Variants in MPP2 observed in about 807,000 individuals in gnomAD.
The protein encoded by MPP2 is MAGUK p55 subfamily member 2.
In MPP2, 42 loss-of-function variants were observed where a neutral mutation model predicts 58.5. The ratio of observed to expected loss-of-function variants is 0.72; its 90% confidence interval spans 0.56 to 0.93. MPP2 has a LOEUF of 0.93. MPP2 is among the 40% of genes least tolerant of loss of function. MPP2 has a pLI of 0.00. For synonymous variants in MPP2, 300 were observed against 307.8 expected (o/e 0.97, Z 0.26); for missense variants, 632 against 760.4 (o/e 0.83, Z 1.99).
rs1484327925 is a variant in MPP2, at chr17:43,877,539, G to A, written c.*268C>T. ...ATGGAGGTGACTCTGACACATTCCT[G>A]GGCATAGCTTGGCCCTCAGAGATAT... On this transcript the variant is annotated 3_prime_UTR_variant, in exon 13 of 13. Transcript: ENST00000269095. The A allele has an allele frequency of 2.1e-6, 1 of 477,626 alleles. No individual in the cohort carries two copies. Among genetic ancestry groups the A allele is most frequent in the Non-Finnish European group, 3.8e-6 (1 of 260,856 alleles). 29.6% of individuals were successfully genotyped at this position (477,626 alleles called of 1,614,324 possible).
intron 1 of MPP2, 92 bp downstream of exon 1, chr17:43,907,382 C>T (rs1224847266): frequency 2.0e-6 from 2 of 985,430 alleles, no homozygotes; most frequent in African/African-American, 1.7e-5. Context: ...GGAGTTTAAA[C>T]CCAGTGAATA....
At position 43,880,045 on chromosome 17, in the gene MPP2, CAT is replaced by C. The variant is rs2047038971; in HGVS notation, c.1151-63_1151-62del. 1 of 1,513,838 alleles carries C rather than the reference CAT, an allele frequency of 6.6e-7. No homozygotes were observed. The highest frequency in any genetic ancestry group is 1.4e-5 in the African/African-American group (1 of 73,034). 93.8% of individuals were successfully genotyped at this position (1,513,838 alleles called of 1,614,324 possible). A position where few individuals can be genotyped will look rare whatever the true frequency, so the allele number is the denominator to read the frequency against. Reference sequence around the variant, plus strand: ...GGGGCAGGTTACAGTGCCTCAGACACATATATGCACCCCTACCCAGGCCCCCG... The same window carrying C: ...GGGGCAGGTTACAGTGCCTCAGACACATATGCACCCCTACCCAGGCCCCCG... On this transcript the variant is annotated intron_variant, in intron 10 of 12. Transcript: ENST00000269095. The surrounding 1 kb of genome is among the most constrained non-coding windows in gnomAD (Gnocchi z 5.2).
rs753192544 is a variant in MPP2 at position 43,882,915 on chromosome 17, G to C, written c.441C>G (p.Ala147=). 9 of 1,613,888 alleles carry C rather than the reference G, an allele frequency of 5.6e-6. No homozygotes were observed. The highest frequency in any genetic ancestry group is 8.5e-7 in the Non-Finnish European group (1 of 1,180,030). The change falls in exon 5 of 13, where the codon GCC becomes GCG. Residue 147 remains alanine, a synonymous_variant. Coordinates refer to ENST00000269095, the MANE Select transcript of MPP2 (RefSeq NM_005374.5). ...GCCCAGTCCTCACCAGATGTTCTCC[G>C]GCTGTCTTGCGGATGCCCACCATGC... ...AVRMVGIRKT[A]GEHLGVTFRV...
intron 3 of MPP2, among the ~76,000 whole-genome samples, chr17:43,893,757 C>A (rs1049343790): frequency 6.6e-6 from 1 of 152,164 alleles, no homozygotes; most frequent in Admixed American, 6.5e-5. Flanking sequence ...ACCAAAACCA[C>A]CCCCCTCACC....
intron 6 of MPP2, among the ~76,000 whole-genome samples, chr17:43,882,054 AC>A (rs2047152156): frequency 1.3e-5 from 2 of 152,218 alleles, no homozygotes; most frequent in African/African-American, 4.8e-5. Flanking sequence ...ATACACTTGT[AC>A]CCCAGGCTGT....
Position 43,875,625 on chromosome 17 carries a change from A to C in MPP2, c.*2182T>G, listed in dbSNP as rs1343849885. ...CAGCCCTGTTCCAGGTGAGCCAAGG[A>C]CTGACAGCCTCTGCTAGGTACCTGG... On this transcript the variant is annotated 3_prime_UTR_variant, in exon 13 of 13. Coordinates refer to ENST00000269095, the MANE Select transcript of MPP2 (RefSeq NM_005374.5). 6.6e-6 allele frequency: 1 copy of C among 151,260 alleles called. No individual in the cohort carries two copies. Among genetic ancestry groups the C allele is most frequent in the Non-Finnish European group, 1.5e-5 (1 of 68,090 alleles). The allele number at this position is 151,260 out of a possible 1,614,324, so 9.4% of individuals were successfully genotyped here.
In MPP2 at chr17:43,879,981, G is replaced by C; in HGVS notation, c.1154C>G (p.Thr385Ser). Residue 385 changes from threonine (T) to serine (S), a missense_variant, in exon 11 of 13, where the codon ACC (threonine) becomes AGC (serine). Thr to Ser is a moderately conservative substitution (Grantham distance 58). Transcript: ENST00000269095. The surrounding 1 kb of genome is among the most constrained non-coding windows in gnomAD (Gnocchi z 4.1). Reference protein sequence around the residue: ...PDRYGTTVPYTSRRPKDSERE... With the variant: ...PDRYGTTVPYSSRRPKDSERE... ...CTCTGAGTCTTTCGGCCGCCGGGAG[G>C]TGTCTAGGGGGATGGGGGTAGGTTG... is the stretch of plus-strand genomic sequence containing the variant. 6.2e-7 allele frequency: 1 copy of C among 1,614,006 alleles called. No individual in the cohort carries two copies. The highest frequency in any genetic ancestry group is 8.5e-7 in the Non-Finnish European group (1 of 1,179,966).
In MPP2 at chr17:43,880,766, G is replaced by A. The variant is rs914308173; in HGVS notation, c.1075C>T (p.Gln359Ter). Residue 359 changes from glutamine (Q) to a stop codon, truncating the protein, a stop_gained, in exon 10 of 13, where the codon CAG becomes TAG. Transcript: ENST00000269095. LOFTEE classifies it high-confidence loss of function. This position sits in a 1 kb window ranked among gnomAD's most constrained non-coding sequence, Gnocchi z 5.2. ...TTCAGGCTGCGCCGTCCCACGCCCTGAGCCCCAATCAGTACCAGGGTTTTC... is the reference window on the plus strand; with the variant it reads ...TTCAGGCTGCGCCGTCCCACGCCCTAAGCCCCAATCAGTACCAGGGTTTTC... ...RRKTLVLIGA[Q>*]GVGRRSLKNK... The A allele has an allele frequency of 1.2e-6, 2 of 1,613,944 alleles. No homozygotes were observed. Among genetic ancestry groups the A allele is most frequent in the Non-Finnish European group, 1.7e-6 (2 of 1,179,962 alleles).
At chr17:43,905,465 G>T (rs1338626378) in intron 1 of MPP2, 1 of 152,338 alleles carries the variant, frequency 6.6e-6, no homozygotes, top group African/African-American at 2.4e-5. Context: ...AACCAAGCAT[G>T]GAGTCTACAG....
Position 43,879,155 on chromosome 17 carries a change from A to G in MPP2, c.1482+120T>C, listed in dbSNP as rs1025658242. On this transcript the variant is annotated intron_variant, in intron 12 of 12. Transcript: ENST00000269095. The surrounding 1 kb of genome is among the most constrained non-coding windows in gnomAD (Gnocchi z 4.1). ...GGGGGGACCACGTCCTGCCTCACTGATAACTGGAGCAGGCCCCTGTCCCTC... is the reference window on the plus strand; with the variant it reads ...GGGGGGACCACGTCCTGCCTCACTGGTAACTGGAGCAGGCCCCTGTCCCTC... 2.4e-5 allele frequency: 31 copies of G among 1,273,948 alleles called. 1 individual carries two copies. Among genetic ancestry groups the G allele is most frequent in the Middle Eastern group, 5.5e-4 (2 of 3,666 alleles). 78.9% of individuals were successfully genotyped at this position (1,273,948 alleles called of 1,614,324 possible). A position where few individuals can be genotyped will look rare whatever the true frequency, so the allele number is the denominator to read the frequency against.
chr17:43,882,995 T>A lies in MPP2; in HGVS notation c.361A>T (p.Ser121Cys). ...CTGAATGTAGGGTCCAGGCCAGGGC[T>A]GGGGGGTGGTGTCTCATAGGTCTTT... is the stretch of plus-strand genomic sequence containing the variant. ...ASKTYETPPPSPGLDPTFSNQ... is the reference protein window; with the variant it reads ...ASKTYETPPPCPGLDPTFSNQ... The change falls in exon 5 of 13, where the codon AGC becomes TGC. Residue 121 changes from serine (S) to cysteine (C), a missense_variant. Ser to Cys is a moderately radical substitution (Grantham distance 112). Transcript: ENST00000269095. 6.2e-7 allele frequency: 1 copy of A among 1,609,962 alleles called. No homozygotes were observed. Among genetic ancestry groups the A allele is most frequent in the Non-Finnish European group, 8.5e-7 (1 of 1,176,772 alleles).
In MPP2 at chr17:43,879,221, C is replaced by A; in HGVS notation, c.1482+54G>T. On this transcript the variant is annotated intron_variant, in intron 12 of 12. Transcript: ENST00000269095. The surrounding 1 kb of genome is among the most constrained non-coding windows in gnomAD (Gnocchi z 4.1). Reference sequence around the variant, plus strand: ...TTCTCTCTGTCAGCTCAGGCCTGTCCCCCACCACCCTAGGCAGCTATCAGA... The same window carrying A: ...TTCTCTCTGTCAGCTCAGGCCTGTCACCCACCACCCTAGGCAGCTATCAGA... 6.4e-7 allele frequency: 1 copy of A among 1,571,900 alleles called. No individual in the cohort carries two copies. Among genetic ancestry groups the A allele is most frequent in the South Asian group, 1.2e-5 (1 of 85,616 alleles).
chr17:43,904,613 G>A, intron 1 of MPP2, 120 bp from the exon 2 acceptor site: 1 of 749,442 alleles, frequency 1.3e-6, no homozygotes, highest in Non-Finnish European at 2.2e-6. Flanking sequence ...TGCCCAGAAA[G>A]TGGGGGTTGG....
Position 43,880,941 on chromosome 17 carries a change from A to G in MPP2, c.989-89T>C. ...GGAGGCTGAGGGCAAGAGGGCTTGG[A>G]ACAGGGGAGCAGGGGGGAGTCGGGC... is the stretch of plus-strand genomic sequence containing the variant. On this transcript the variant is annotated intron_variant, in intron 9 of 12. Coordinates refer to ENST00000269095, the MANE Select transcript of MPP2 (RefSeq NM_005374.5). The surrounding 1 kb of genome is among the most constrained non-coding windows in gnomAD (Gnocchi z 5.2). 6.5e-7 allele frequency: 1 copy of G among 1,545,448 alleles called. No individual in the cohort carries two copies. Among genetic ancestry groups the G allele is most frequent in the Non-Finnish European group, 8.8e-7 (1 of 1,136,272 alleles).
chr17:43,883,275 G>C lies in MPP2; in HGVS notation c.231C>G (p.Asp77Glu), dbSNP rs1311025216. 1 of 1,612,612 alleles carries C rather than the reference G, an allele frequency of 6.2e-7. No homozygotes were observed. Among genetic ancestry groups the C allele is most frequent in the Non-Finnish European group, 8.5e-7 (1 of 1,179,724 alleles). ...TGCTCTGCTCAGCCAGCTGCGCCAG[G>C]TCCCGCAGGATCTCCTGCACCAGCT... ...NLELVQEILR[D>E]LAQLAEQSST... Residue 77 changes from aspartate (D) to glutamate (E), a missense_variant, in exon 4 of 13, where the codon GAC becomes GAG. Asp to Glu is a conservative substitution (Grantham distance 45). Coordinates refer to ENST00000269095, the MANE Select transcript of MPP2 (RefSeq NM_005374.5).
intron 2 of MPP2, among the ~76,000 whole-genome samples, 190 bp downstream of exon 2, chr17:43,904,240 C>T (rs376317372): frequency 8.5e-5 from 13 of 152,312 alleles, no homozygotes; most frequent in South Asian, 2.1e-4. Context: ...TTCTCTTCTC[C>T]GTTCCAGCAC....
Position 43,898,357 on chromosome 17 carries a change from A to T in MPP2, c.55T>A (p.Leu19Met), listed in dbSNP as rs767369471. Reference protein sequence around the residue: ...ETAMQQVLDNLGSLPSATGAA... With the variant: ...ETAMQQVLDNMGSLPSATGAA... ...CCCGTGGCACTGGGGAGGGATCCCAAGTTGTCCAGGACTTGCTGCATGGCT... is the reference window on the plus strand; with the variant it reads ...CCCGTGGCACTGGGGAGGGATCCCATGTTGTCCAGGACTTGCTGCATGGCT... The change falls in exon 3 of 13, where the codon TTG becomes ATG. Residue 19 changes from leucine to methionine, a missense_variant. Transcript: ENST00000269095. 1.2e-6 allele frequency: 2 copies of T among 1,614,104 alleles called. No individual in the cohort carries two copies. Among genetic ancestry groups the T allele is most frequent in the East Asian group, 4.5e-5 (2 of 44,872 alleles).
chr17:43,902,405 G>A (rs928625849), intron 2 of MPP2, among the ~76,000 whole-genome samples: 5 of 152,192 alleles, frequency 3.3e-5, no homozygotes, highest in African/African-American at 9.7e-5. Flanking sequence ...CCCGGCTGGA[G>A]AGGCCATTAA....
At chr17:43,885,146 A>G (rs1488504655) in intron 3 of MPP2, among the ~76,000 whole-genome samples, 1 of 150,180 alleles carries the variant, frequency 6.7e-6, no homozygotes, top group African/African-American at 2.4e-5. Flanking sequence ...AAAAAGAATG[A>G]GCTCTTCTTT....
Sources: allele counts gnomAD v4.1 joint callset (sites outside exome capture counted in the v4.1 genomes callset), GRCh38; gene constraint gnomAD v4.1.1; non-coding constraint Gnocchi (gnomAD v3.1); transcripts MANE v1.5; gene names NCBI Gene and HGNC (gene_info 2026-07-23, HGNC 2026-07-21).